POLK: variants seen among roughly 807,000 people sequenced by gnomAD.
The protein encoded by POLK is DNA polymerase kappa, also known as polymerase (DNA directed) kappa.
POLK carries 76 observed loss-of-function variants against 94.0 expected under a neutral mutation model. The observed-to-expected ratio is 0.81, with a 90% CI of 0.67 to 0.98. The LOEUF (loss-of-function observed/expected upper bound fraction) is 0.98. POLK is among the 50% of genes least tolerant of loss of function. The pLI, the probability that POLK is intolerant of heterozygous loss-of-function variation, is 0.00. For synonymous variants in POLK, 349 were observed against 325.4 expected (o/e 1.07, Z -0.78); for missense variants, 954 against 1,010.1 (o/e 0.94, Z 0.75).
At chr5:75,566,581 C>T (rs1015951149) in intron 3 of POLK, among the ~76,000 whole-genome samples, 4 of 152,188 alleles carry the variant, frequency 2.6e-5, no homozygotes, top group African/African-American at 9.7e-5. Flanking sequence ...CCATCCCTCA[C>T]CAACGGCACA....
At chr5:75,512,017 A>T (rs1278466940) in intron 1 of POLK, 103 bp downstream of exon 1, 2 of 535,520 alleles carry the variant, frequency 3.7e-6, no homozygotes, top group South Asian at 2.3e-5. Context: ...CCTCGCTTCT[A>T]TCCTTGCCTT....
At chr5:75,520,049 C>T (rs1768495840) in intron 1 of POLK, among the ~76,000 whole-genome samples, 1 of 151,924 alleles carries the variant, frequency 6.6e-6, no homozygotes, top group Non-Finnish European at 1.5e-5. Flanking sequence ...TAGGTTTTTG[C>T]ACTGTGGTTA....
intron 1 of POLK, 180 bp downstream of exon 1, chr5:75,512,094 C>A (rs975160235): frequency 3.3e-6 from 1 of 301,810 alleles, no homozygotes; most frequent in Admixed American, 4.8e-5. Flanking sequence ...CTGAAGATGA[C>A]GGGCCTGCTT....
downstream of POLK, among the ~76,000 whole-genome samples, chr5:75,604,799 G>GA (rs1003299537): frequency 1.3e-5 from 2 of 152,134 alleles, no homozygotes; most frequent in Non-Finnish European, 2.9e-5. Flanking sequence ...TTTCCCTGGA[G>GA]AAAAAACTGT....
At chr5:75,547,697 AC>A (rs1382263912) in intron 2 of POLK, among the ~76,000 whole-genome samples, 2 of 152,202 alleles carry the variant, frequency 1.3e-5, no homozygotes, top group African/African-American at 2.4e-5. Context: ...GAATTGTTTC[AC>A]CAACTACACA....
chr5:75,516,580 G>T (rs889155733), intron 1 of POLK, among the ~76,000 whole-genome samples: 7 of 152,160 alleles, frequency 4.6e-5, no homozygotes, highest in African/African-American at 1.7e-4. Flanking sequence ...TGGGAGGATT[G>T]CTTGAGCTCA....
intron 1 of POLK, among the ~76,000 whole-genome samples, chr5:75,520,062 G>T (rs185441323): frequency 6.6e-6 from 1 of 152,056 alleles, no homozygotes; most frequent in Non-Finnish European, 1.5e-5. Context: ...TGTGGTTACC[G>T]TGAGGTTTAT....
At chr5:75,572,804 C>T (rs1302211387) in intron 4 of POLK, among the ~76,000 whole-genome samples, 1 of 151,972 alleles carries the variant, frequency 6.6e-6, no homozygotes, top group Non-Finnish European at 1.5e-5. Flanking sequence ...AAATCAAAAC[C>T]ACAATGAGAT....
At chr5:75,546,910 G>T in intron 1 of POLK, 100 bp from the exon 2 acceptor site, 1 of 490,584 alleles carries the variant, frequency 2.0e-6, no homozygotes, top group Non-Finnish European at 3.6e-6. Context: ...CAGTCAATCT[G>T]CCCGCCTCGG....
chr5:75,609,136 C>T, the POLK span: 2 of 152,016 alleles, frequency 1.3e-5, no homozygotes, highest in Admixed American at 1.3e-4. Flanking sequence ...AATGATGATG[C>T]ATTTTCTCCT....
At chr5:75,589,019 A>T (rs531363528) in intron 10 of POLK, among the ~76,000 whole-genome samples, 7 of 152,304 alleles carry the variant, frequency 4.6e-5, no homozygotes, top group African/African-American at 1.7e-4. Flanking sequence ...GGGGTAAGAA[A>T]TTTCATAATA....
intron 3 of POLK, among the ~76,000 whole-genome samples, chr5:75,569,010 A>G (rs1771437360): frequency 6.6e-6 from 1 of 152,216 alleles, no homozygotes; most frequent in Non-Finnish European, 1.5e-5. Flanking sequence ...GTATGGAGAG[A>G]TGAAAGGGTT....
chr5:75,517,878 G>A (rs1343747626), intron 1 of POLK, among the ~76,000 whole-genome samples: 2 of 152,144 alleles, frequency 1.3e-5, no homozygotes, highest in Non-Finnish European at 2.9e-5. Context: ...TACTTTTTCA[G>A]CATCTATTGA....
At chr5:75,521,651 T>A (rs1357940955) in intron 1 of POLK, among the ~76,000 whole-genome samples, 1 of 152,230 alleles carries the variant, frequency 6.6e-6, no homozygotes, top group East Asian at 1.9e-4. Flanking sequence ...TTCTTTTGGA[T>A]GTACATCTAT....
At chr5:75,549,129 G>A (rs371623570) in intron 2 of POLK, among the ~76,000 whole-genome samples, 3 of 151,852 alleles carry the variant, frequency 2.0e-5, no homozygotes, top group East Asian at 1.9e-4. Flanking sequence ...TTTTTCCTGC[G>A]TTTTCCTGAG....
At chr5:75,595,248 G>GAAAAAAAAAAAAAAAAAAAAAAAA (rs58783164) in intron 12 of POLK, among the ~76,000 whole-genome samples, 4 of 24,880 alleles carry the variant, frequency 1.6e-4, no homozygotes, top group African/African-American at 4.4e-4. Flanking sequence ...CTCCACCTCA[G>GAAAAAAAAAAAAAAAAAAAAAAAA]AAAAAAAAAA....
chr5:75,596,361 A>T (rs752846780), exon 13 of POLK: 24 of 1,613,378 alleles, frequency 1.5e-5, no homozygotes, highest in African/African-American at 4.0e-5. Flanking sequence ...ATAAGTTTGT[A>T]AAACCTCTAG....
downstream of POLK, among the ~76,000 whole-genome samples, chr5:75,604,729 T>C (rs1447810521): frequency 1.3e-5 from 2 of 152,170 alleles, no homozygotes; most frequent in Non-Finnish European, 2.9e-5. Flanking sequence ...AGCAGTGATA[T>C]ATTTGAACAC....
intron 3 of POLK, among the ~76,000 whole-genome samples, chr5:75,554,300 GT>G (rs2112671143): frequency 6.6e-6 from 1 of 152,118 alleles, no homozygotes; most frequent in Admixed American, 6.5e-5. Context: ...GTCTGGGGGA[GT>G]TTATATCTAT....
Sources: gnomAD v4.1 joint callset for allele counts (sites outside exome capture counted in the v4.1 genomes callset) on GRCh38, gnomAD v4.1.1 for gene constraint, MANE v1.5 for transcripts, NCBI Gene and HGNC (gene_info 2026-07-23, HGNC 2026-07-21) for gene names.